Variants in ZNG1A observed in about 807,000 individuals in gnomAD.
ZNG1A encodes the protein zinc-regulated GTPase metalloprotein activator 1A.
At chr9:145,715 T>TA in the ZNG1A span, among the ~76,000 whole-genome samples, 15 of 149,948 alleles carry the variant, frequency 1.0e-4, no homozygotes, top group South Asian at 4.2e-4. Context: ...TAAATAAATT[T>TA]TAAAAAAAAC....
At chr9:150,603 A>G in the ZNG1A span, 1 of 984,058 alleles carries the variant, frequency 1.0e-6, no homozygotes, top group Non-Finnish European at 1.2e-6. Context: ...CTATTTCAGA[A>G]AGTCCCTAGA....
chr9:143,658 C>T, the ZNG1A span, among the ~76,000 whole-genome samples: 12 of 122,512 alleles, frequency 9.8e-5, 1 homozygote, highest in Admixed American at 1.8e-4. Flanking sequence ...CCTCTCTCCC[C>T]ACTCCTATTC....
chr9:177,755 C>A, the ZNG1A span: 5 of 1,537,348 alleles, frequency 3.3e-6, no homozygotes, highest in South Asian at 6.0e-5. Flanking sequence ...CCGAGCGGCA[C>A]GTTTGAAATA....
chr9:162,698 G>A, the ZNG1A span, among the ~76,000 whole-genome samples: 28 of 150,720 alleles, frequency 1.9e-4, no homozygotes, highest in East Asian at 5.2e-3. Flanking sequence ...CACTAGAAAC[G>A]ATATAAAACA....
chr9:156,730 C>A, the ZNG1A span, among the ~76,000 whole-genome samples: 85 of 149,930 alleles, frequency 5.7e-4, no homozygotes, highest in Non-Finnish European at 1.1e-3. Flanking sequence ...TACAAGTGAA[C>A]CTGTGGGGTT....
chr9:143,080 AC>A, the ZNG1A span, among the ~76,000 whole-genome samples: 1 of 145,648 alleles, frequency 6.9e-6, no homozygotes, highest in Admixed American at 6.9e-5. Context: ...AGAGTCCAGG[AC>A]CAGATAGATT....
At chr9:121,386 G>A in the ZNG1A span, 1 of 862,954 alleles carries the variant, frequency 1.2e-6, no homozygotes, top group East Asian at 2.4e-5. Flanking sequence ...CGTAACTAAA[G>A]TAATAAATAA....
At chr9:141,835 G>T in the ZNG1A span, among the ~76,000 whole-genome samples, 1 of 152,162 alleles carries the variant, frequency 6.6e-6, no homozygotes. Context: ...CAAAATAAAG[G>T]GATGGAGGAA....
the ZNG1A span, chr9:154,891 A>G: frequency 8.0e-7 from 1 of 1,252,058 alleles, no homozygotes; most frequent in South Asian, 1.3e-5. Context: ...AATCAAAAAT[A>G]AATAAAAACG....
chr9:145,453 A>C, the ZNG1A span, among the ~76,000 whole-genome samples: 1 of 150,396 alleles, frequency 6.6e-6, no homozygotes, highest in South Asian at 2.1e-4. Flanking sequence ...CAAGAACAAA[A>C]AACCAAACAC....
chr9:176,840 T>C, the ZNG1A span, among the ~76,000 whole-genome samples: 2 of 147,564 alleles, frequency 1.4e-5, no homozygotes, highest in African/African-American at 2.6e-5. Flanking sequence ...AACCATATTA[T>C]GAAAAAAAAA....
chr9:159,993 C>T, the ZNG1A span: 4 of 440,464 alleles, frequency 9.1e-6, no homozygotes, highest in East Asian at 2.1e-4. Flanking sequence ...AGAAACCTCT[C>T]ACTTGACCTT....
chr9:139,808 C>A, the ZNG1A span, among the ~76,000 whole-genome samples: 3 of 151,496 alleles, frequency 2.0e-5, no homozygotes, highest in African/African-American at 7.3e-5. Flanking sequence ...GGTGCGTGCA[C>A]CATCCGCGAG....
At chr9:177,621 G>C in the ZNG1A span, 14 of 1,514,934 alleles carry the variant, frequency 9.2e-6, no homozygotes, top group African/African-American at 5.6e-5. Flanking sequence ...AAAATGGTCA[G>C]GGATAGGAGT....
the ZNG1A span, among the ~76,000 whole-genome samples, chr9:168,322 A>T: frequency 7.9e-5 from 12 of 151,812 alleles, no homozygotes; most frequent in African/African-American, 2.9e-4. Flanking sequence ...GTGCAATCTC[A>T]GCTCACTGCC....
the ZNG1A span, among the ~76,000 whole-genome samples, chr9:129,048 G>C: frequency 4.6e-5 from 7 of 151,414 alleles, no homozygotes; most frequent in African/African-American, 1.2e-4. Flanking sequence ...GGGTCTCTCA[G>C]CTGTGGATAC....
the ZNG1A span, among the ~76,000 whole-genome samples, chr9:133,487 A>G: frequency 6.9e-6 from 1 of 145,942 alleles, no homozygotes; most frequent in African/African-American, 2.6e-5. Flanking sequence ...ACTCCAGGCA[A>G]AAGAAATGTT....
chr9:150,571 C>T, the ZNG1A span: 5 of 983,594 alleles, frequency 5.1e-6, no homozygotes, highest in African/African-American at 7.1e-5. Flanking sequence ...AATGCAACTT[C>T]AGTCCTCATA....
At chr9:142,476 G>A in the ZNG1A span, among the ~76,000 whole-genome samples, 4 of 111,966 alleles carry the variant, frequency 3.6e-5, no homozygotes, top group Non-Finnish European at 7.0e-5. Context: ...CAGAAATAAA[G>A]ATGTTCTTTG....
Sources: gnomAD v4.1 joint callset for allele counts (sites outside exome capture counted in the v4.1 genomes callset) on GRCh38, gnomAD v4.1.1 for gene constraint, MANE v1.5 for transcripts, NCBI Gene and HGNC (gene_info 2026-07-23, HGNC 2026-07-21) for gene names.